The following CHD1 variants were observed in gnomAD, a reference collection of about 807,000 sequenced individuals.
CHD1 encodes chromodomain helicase DNA binding protein 1, also known as ATP-dependent chromatin remodeler CHD1.
In CHD1, 36 loss-of-function variants were observed where a neutral mutation model predicts 224.2. The ratio of observed to expected loss-of-function variants is 0.16; its 90% confidence interval spans 0.12 to 0.21. CHD1 has a LOEUF of 0.21. CHD1 is among the 10% of genes least tolerant of loss of function. The pLI is 1.00. For synonymous variants in CHD1, 668 were observed against 658.3 expected (o/e 1.01, Z -0.23); for missense variants, 1,378 against 1,994.8 (o/e 0.69, Z 5.89).
At chr5:98,918,957 T>C (rs1404076219) in intron 2 of CHD1, among the ~76,000 whole-genome samples, 1 of 152,186 alleles carries the variant, frequency 6.6e-6, no homozygotes, top group African/African-American at 2.4e-5. Context: ...TGCATGCCCA[T>C]TTGGCCCCAC....
intron 2 of CHD1, among the ~76,000 whole-genome samples, chr5:98,911,155 A>ATATATATATATATATG (rs1752390754): frequency 2.4e-5 from 3 of 127,200 alleles, no homozygotes; most frequent in African/African-American, 9.8e-5. Flanking sequence ...AAATATATAT[A>ATATATATATATATATG]TATATATATA....
chr5:98,907,486 G>A (rs1337362059), intron 2 of CHD1, among the ~76,000 whole-genome samples: 1 of 151,448 alleles, frequency 6.6e-6, no homozygotes, highest in Non-Finnish European at 1.5e-5. Flanking sequence ...TACTTGGGAG[G>A]CTGAGGCAGG....
intron 32 of CHD1, among the ~76,000 whole-genome samples, chr5:98,861,427 T>A (rs1295937238): frequency 6.6e-6 from 1 of 152,160 alleles, no homozygotes; most frequent in Non-Finnish European, 1.5e-5. Flanking sequence ...TCAAAAAATA[T>A]ATTGAAAAAA....
Position 98,856,599 on chromosome 5 carries a change from C to G in CHD1, c.4914G>C (p.Arg1638=). ...AACTTGACCGGTGGTCTGAATGTAA[C>G]CGATGATCTGAGTGAGAACGATGAT... The part of the protein sequence containing the change: ...HSDHRSHSDH[R]LHSDHRSSSE... The change falls in exon 36 of 36, where the codon CGG becomes CGC. Residue 1638 remains arginine (R), a synonymous_variant. Coordinates refer to ENST00000614616, the MANE Select transcript of CHD1 (RefSeq NM_001270.4). 6.2e-7 allele frequency: 1 copy of G among 1,613,582 alleles called. No individual in the cohort carries two copies. Among genetic ancestry groups the G allele is most frequent in the Non-Finnish European group, 8.5e-7 (1 of 1,179,728 alleles).
intron 25 of CHD1, among the ~76,000 whole-genome samples, chr5:98,874,298 C>A (rs1179679690): frequency 6.6e-6 from 1 of 151,810 alleles, no homozygotes; most frequent in Non-Finnish European, 1.5e-5. Flanking sequence ...AAAGAATATC[C>A]AAATCACAAT....
intron 18 of CHD1, among the ~76,000 whole-genome samples, chr5:98,884,580 G>A (rs1169544959): frequency 6.6e-6 from 1 of 151,992 alleles, no homozygotes; most frequent in African/African-American, 2.4e-5. Flanking sequence ...GGTGAAGGGT[G>A]CACCAAAATC....
rs555137769 is a variant in CHD1, at chr5:98,919,808, A to G, written c.53+6526T>C. ...AGGTATACATAATATATCTACATATATTACCTAGCTCTGTCTACTTTGTTC... is the reference window on the plus strand; with the variant it reads ...AGGTATACATAATATATCTACATATGTTACCTAGCTCTGTCTACTTTGTTC... On this transcript the variant is annotated intron_variant, in intron 2 of 35. Coordinates refer to ENST00000614616, the MANE Select transcript of CHD1 (RefSeq NM_001270.4). Among the ~76,000 whole-genome samples, 9 of 152,338 alleles carry G rather than the reference A, an allele frequency of 5.9e-5. No homozygotes were observed. The South Asian group carries it at 1.9e-3, about 32-fold the overall frequency.
chr5:98,891,932 T>C lies in CHD1; in HGVS notation c.2180+593A>G, dbSNP rs75310128. Among the ~76,000 whole-genome samples the C allele has an allele frequency of 9.2e-3, 1,401 of 152,332 alleles. 16 individuals are homozygous for C. The highest frequency in any genetic ancestry group is 0.025 in the South Asian group (123 of 4,828). On this transcript the variant is annotated intron_variant, in intron 15 of 35. Transcript: ENST00000614616. ...TCCATAATAAAAATAATTATGCAAT[T>C]AAGTATATTCTTTCAAATGTATGGC...
chr5:98,881,931 TTAC>T (rs1268764922), intron 20 of CHD1, 41 bp downstream of exon 20: 5 of 1,553,054 alleles, frequency 3.2e-6, no homozygotes, highest in Non-Finnish European at 3.5e-6. Flanking sequence ...AAATATGAGT[TTAC>T]TGACTCTAAA....
At chr5:98,866,192 AG>A (rs1294185190) in intron 31 of CHD1, among the ~76,000 whole-genome samples, 16 of 73,358 alleles carry the variant, frequency 2.2e-4, no homozygotes, top group African/African-American at 1.7e-3. Context: ...GTGAACCTGC[AG>A]AGGAGATAAA....
At chr5:98,894,034 T>C (rs1287384003) in intron 13 of CHD1, among the ~76,000 whole-genome samples, 1 of 152,216 alleles carries the variant, frequency 6.6e-6, no homozygotes, top group Non-Finnish European at 1.5e-5. Flanking sequence ...TGTAGAACTC[T>C]CTTAAACTTA....
rs372549408 is a variant in CHD1 at position 98,900,997 on chromosome 5, A to C, written c.673T>G (p.Tyr225Asp). The change falls in exon 7 of 36, where the codon TAT becomes GAT. Residue 225 changes from tyrosine (Y) to aspartate (D), a missense_variant. Tyr to Asp is a radical substitution (Grantham distance 160). This residue lies in a region of CHD1 where 306 missense variants were observed against 298.1 expected (regional missense o/e 1.03). Transcript: ENST00000614616. ...CGAGAACTTCTTTTATCATTATCAT[A>C]ATCTTCTTCATCATCATCCTCCTCA... ...SSEEDDDEED[Y>D]DNDKRSSRRQ... 6.2e-7 allele frequency: 1 copy of C among 1,613,894 alleles called. No individual in the cohort carries two copies. The highest frequency in any genetic ancestry group is 1.1e-5 in the South Asian group (1 of 91,070).
intron 33 of CHD1, 88 bp downstream of exon 33, chr5:98,859,884 G>C (rs2112450268): frequency 1.5e-6 from 1 of 653,974 alleles, no homozygotes; most frequent in African/African-American, 1.9e-5. Flanking sequence ...TATTCATTCT[G>C]TATTTATTAA....
intron 2 of CHD1, among the ~76,000 whole-genome samples, chr5:98,919,652 C>T (rs1367129126): frequency 6.6e-6 from 1 of 151,962 alleles, no homozygotes; most frequent in Admixed American, 6.6e-5. Flanking sequence ...AGTTACAAAG[C>T]AATAAGAAAG....
At chr5:98,911,130 G>GAAAAAAAAA (rs11451331) in intron 2 of CHD1, among the ~76,000 whole-genome samples, 3 of 44,042 alleles carry the variant, frequency 6.8e-5, no homozygotes, top group African/African-American at 1.1e-4. Flanking sequence ...GTGCTAAAAT[G>GAAAAAAAAA]AAAAAAAAAA....
rs929144666 is a variant in CHD1, at chr5:98,869,613, C to T, written c.4107+141G>A. The T allele has an allele frequency of 6.2e-5, 48 of 771,426 alleles. No homozygotes were observed. In the Admixed American group the frequency reaches 9.3e-4, roughly 15 times the overall value. The allele number at this position is 771,426 out of a possible 1,614,324, so 47.8% of individuals were successfully genotyped here. ...GTTATGAACTATAAGTGCGTGCGCACGTGCGCGCGCACACACACACACACA... is the reference window on the plus strand; with the variant it reads ...GTTATGAACTATAAGTGCGTGCGCATGTGCGCGCGCACACACACACACACA... On this transcript the variant is annotated intron_variant, in intron 30 of 35. Coordinates refer to ENST00000614616, the MANE Select transcript of CHD1 (RefSeq NM_001270.4).
chr5:98,881,852 C>A, intron 20 of CHD1, 123 bp downstream of exon 20: 1 of 835,868 alleles, frequency 1.2e-6, no homozygotes, highest in Non-Finnish European at 1.8e-6. Flanking sequence ...AGTCCAAAGT[C>A]TTCCAAAATA....
At chr5:98,911,794 A>C (rs1434372757) in intron 2 of CHD1, among the ~76,000 whole-genome samples, 17 of 152,250 alleles carry the variant, frequency 1.1e-4, no homozygotes. Context: ...ACTAGCTTAT[A>C]GTCTTTCAAA....
At chr5:98,915,841 T>A (rs1004658614) in intron 2 of CHD1, among the ~76,000 whole-genome samples, 1 of 152,220 alleles carries the variant, frequency 6.6e-6, no homozygotes, top group Non-Finnish European at 1.5e-5. Flanking sequence ...TACTTTAATA[T>A]AAACTTCAAA....
Sources: allele counts gnomAD v4.1 joint callset (sites outside exome capture counted in the v4.1 genomes callset), GRCh38; gene constraint gnomAD v4.1.1; regional missense constraint gnomAD v4.1.1; transcripts MANE v1.5; gene names NCBI Gene and HGNC (gene_info 2026-07-23, HGNC 2026-07-21).